Variants in VRK2 observed in about 807,000 individuals in gnomAD.
VRK2 encodes the protein VRK serine/threonine kinase 2.
In VRK2, 60 loss-of-function variants were observed where a neutral mutation model predicts 57.6. The observed-to-expected ratio is 1.04, with a 90% CI of 0.85 to 1.29. The LOEUF (loss-of-function observed/expected upper bound fraction) is 1.29. Among genes scored for constraint, VRK2 ranks in the 50% most tolerant of loss-of-function variants. The pLI is 0.00. For missense variants in VRK2, 705 were observed against 588.1 expected, an observed-to-expected ratio of 1.20 and a Z score of -2.06; for synonymous variants, 231 against 199.2, an observed-to-expected ratio of 1.16 and a Z score of -1.35.
At chr2:58,157,216 G>GT (rs1361084615) in intron 12 of VRK2, among the ~76,000 whole-genome samples, 2 of 152,068 alleles carry the variant, frequency 1.3e-5, no homozygotes, top group Admixed American at 1.3e-4. Context: ...GGGAAGTCTG[G>GT]TATCAGATTT....
intron 12 of VRK2, among the ~76,000 whole-genome samples, chr2:58,150,447 C>T (rs2104678432): frequency 6.6e-6 from 1 of 151,044 alleles, no homozygotes; most frequent in East Asian, 1.9e-4. Flanking sequence ...ATTGATGTCC[C>T]TCTTTCAGTT....
At chr2:57,967,006 T>C (rs1402749496) in intron 1 of VRK2, among the ~76,000 whole-genome samples, 2 of 152,174 alleles carry the variant, frequency 1.3e-5, no homozygotes, top group African/African-American at 4.8e-5. Context: ...ATTATTTAAG[T>C]GTCTATATTT....
intron 1 of VRK2, among the ~76,000 whole-genome samples, chr2:57,950,448 T>G (rs1010206455): frequency 2.0e-5 from 3 of 152,200 alleles, no homozygotes; most frequent in Non-Finnish European, 2.9e-5. Flanking sequence ...AGTCTGGATG[T>G]CAGCTCAAGT....
chr2:58,028,751 G>A (rs1162270800), intron 2 of VRK2, among the ~76,000 whole-genome samples: 3 of 150,850 alleles, frequency 2.0e-5, no homozygotes, highest in Non-Finnish European at 4.4e-5. Context: ...TTGGGGGAGT[G>A]GGGAGGGATA....
chr2:58,108,817 A>G (rs1034490525), intron 7 of VRK2, among the ~76,000 whole-genome samples: 5 of 152,188 alleles, frequency 3.3e-5, no homozygotes, highest in Non-Finnish European at 5.9e-5. Context: ...AGGCACATGG[A>G]AAATAACTCA....
intron 7 of VRK2, among the ~76,000 whole-genome samples, chr2:58,102,833 G>T (rs1410706829): frequency 6.6e-6 from 1 of 151,506 alleles, no homozygotes; most frequent in Non-Finnish European, 1.5e-5. Flanking sequence ...TGTATGTTAG[G>T]CCACAAAACT....
chr2:58,137,918 G>C (rs933682836), intron 10 of VRK2, among the ~76,000 whole-genome samples: 4 of 151,858 alleles, frequency 2.6e-5, no homozygotes, highest in Non-Finnish European at 4.4e-5. Flanking sequence ...CAATATCTAC[G>C]CTTCAGGTTT....
At chr2:57,963,821 A>G (rs1671830957) in intron 1 of VRK2, among the ~76,000 whole-genome samples, 1 of 152,208 alleles carries the variant, frequency 6.6e-6, no homozygotes, top group South Asian at 2.1e-4. Context: ...CTGATGTTGC[A>G]TATTTACATT....
chr2:58,084,820 T>A lies in VRK2; in HGVS notation c.187-61T>A, dbSNP rs943459675. 1.2e-5 allele frequency: 14 copies of A among 1,127,890 alleles called. No homozygotes were observed. The African/African-American group carries it at 2.2e-4, about 18-fold the overall frequency. The allele number at this position is 1,127,890 out of a possible 1,614,324, so 69.9% of individuals were successfully genotyped here. A position where few individuals can be genotyped will look rare whatever the true frequency, so the allele number is the denominator to read the frequency against. On this transcript the variant is annotated intron_variant, in intron 3 of 12. Transcript: ENST00000340157. Reference sequence around the variant, plus strand: ...TATGTTCATATTTTCACAGTTGAAATAACAATTCCATCTTTGGGATTATTT... The same window carrying A: ...TATGTTCATATTTTCACAGTTGAAAAAACAATTCCATCTTTGGGATTATTT...
intron 12 of VRK2, among the ~76,000 whole-genome samples, chr2:58,153,599 G>A (rs1464884504): frequency 4.6e-5 from 7 of 151,940 alleles, no homozygotes; most frequent in African/African-American, 1.7e-4. Flanking sequence ...TTTATATGTT[G>A]CTGGATTTAA....
chr2:58,059,168 G>A (rs1368443759), intron 2 of VRK2, among the ~76,000 whole-genome samples: 1 of 151,862 alleles, frequency 6.6e-6, no homozygotes, highest in African/African-American at 2.4e-5. Flanking sequence ...CCTAATGTTA[G>A]GCACTGGAAC....
intron 1 of VRK2, among the ~76,000 whole-genome samples, chr2:57,984,374 A>G (rs6545677): frequency 0.7 from 106,009 of 151,986 alleles, 38,080 homozygotes; most frequent in African/African-American, 0.88. Flanking sequence ...TGTTTTAAGT[A>G]TGTTAAGAGA....
intron 1 of VRK2, among the ~76,000 whole-genome samples, chr2:58,013,404 C>T (rs1321163238): frequency 6.6e-6 from 1 of 152,216 alleles, no homozygotes; most frequent in African/African-American, 2.4e-5. Flanking sequence ...CACATTCTGA[C>T]TGCTAATACG....
At chr2:58,144,016 C>T (rs577030838) in intron 11 of VRK2, among the ~76,000 whole-genome samples, 1 of 150,532 alleles carries the variant, frequency 6.6e-6, no homozygotes, top group Non-Finnish European at 1.5e-5. Flanking sequence ...TACATATACA[C>T]ATATATATAT....
rs559631537 is a variant in VRK2, at chr2:58,154,665, G to A, written c.1183-4684G>A. The A allele has an allele frequency of 1.4e-4, 98 of 705,952 alleles. No individual in the cohort carries two copies. In the African/African-American group the frequency reaches 1.4e-3, roughly 10 times the overall value. 43.7% of individuals were successfully genotyped at this position (705,952 alleles called of 1,614,324 possible). On this transcript the variant is annotated intron_variant, in intron 12 of 12. Coordinates refer to ENST00000340157, the MANE Select transcript of VRK2 (RefSeq NM_006296.7). Reference sequence around the variant, plus strand: ...TGGGGTCTCTTTGACCCATTTAAAGGGGTCTTTAAATTTTAAAGCATTTGG... The same window carrying A: ...TGGGGTCTCTTTGACCCATTTAAAGAGGTCTTTAAATTTTAAAGCATTTGG...
chr2:57,985,069 T>C (rs1672553530), intron 1 of VRK2, among the ~76,000 whole-genome samples: 1 of 151,972 alleles, frequency 6.6e-6, no homozygotes, highest in African/African-American at 2.4e-5. Context: ...AGGCATTTCA[T>C]AAAAAATAAG....
chr2:58,052,617 A>T lies in VRK2; in HGVS notation c.136+3650A>T, dbSNP rs1675921436. 3.3e-5 allele frequency among the ~76,000 whole-genome samples: 5 copies of T among 151,882 alleles called. 1 individual carries two copies. The highest frequency in any genetic ancestry group is 3.3e-4 in the Admixed American group (5 of 15,218). On this transcript the variant is annotated intron_variant, in intron 2 of 12. Transcript: ENST00000340157. ...GACTGTCTCAAAAAAAAAAAAAAAA[A>T]AATGCTGCCATAGTGGATTAAGATG... is the stretch of plus-strand genomic sequence containing the variant.
At chr2:58,156,875 T>C (rs181617360) in intron 12 of VRK2, among the ~76,000 whole-genome samples, 24 of 152,314 alleles carry the variant, frequency 1.6e-4, no homozygotes, top group African/African-American at 5.8e-4. Context: ...TGGTTATGGG[T>C]CACATTTCCT....
intron 11 of VRK2, among the ~76,000 whole-genome samples, chr2:58,144,218 A>C (rs1681775434): frequency 6.6e-6 from 1 of 151,966 alleles, no homozygotes; most frequent in Non-Finnish European, 1.5e-5. Flanking sequence ...AGCAGAGCAT[A>C]GAACAGTATT....
Sources: gnomAD v4.1 joint callset for allele counts (sites outside exome capture counted in the v4.1 genomes callset) on GRCh38, gnomAD v4.1.1 for gene constraint, MANE v1.5 for transcripts, NCBI Gene and HGNC (gene_info 2026-07-23, HGNC 2026-07-21) for gene names.